Variants in PM20D1 observed in about 807,000 individuals in gnomAD.
PM20D1 encodes the protein N-fatty-acyl-amino acid synthase/hydrolase PM20D1.
Under a neutral mutation model 53.8 loss-of-function variants are expected in PM20D1, and 53 were observed. The observed-to-expected ratio is 0.98, with a 90% CI of 0.79 to 1.24. The LOEUF (loss-of-function observed/expected upper bound fraction) is 1.24, where lower values mean the gene tolerates loss of function less well. PM20D1 is among the 50% of genes most tolerant of loss of function. The pLI is 0.00. For missense variants in PM20D1, 564 were observed against 616.8 expected, an observed-to-expected ratio of 0.91 and a Z score of 0.91; for synonymous variants, 239 against 241.3, an observed-to-expected ratio of 0.99 and a Z score of 0.09.
chr1:205,834,543 C>CA (rs1483869814), intron 10 of PM20D1, among the ~76,000 whole-genome samples: 1 of 152,178 alleles, frequency 6.6e-6, no homozygotes, highest in Non-Finnish European at 1.5e-5. Context: ...TTAGAAACCA[C>CA]CATTTGAATC....
chr1:205,833,792 G>A (rs1212434444), intron 10 of PM20D1, among the ~76,000 whole-genome samples: 2 of 152,054 alleles, frequency 1.3e-5, no homozygotes, highest in African/African-American at 4.8e-5. Flanking sequence ...GCTCTAGAAA[G>A]GGGGGGTTGT....
chr1:205,849,444 GCTGTGGGGCC>G, intron 1 of PM20D1, among the ~76,000 whole-genome samples: 1 of 152,076 alleles, frequency 6.6e-6, no homozygotes, highest in East Asian at 1.9e-4. Flanking sequence ...CCCACTCTTT[GCTGTGGGGCC>G]CTGGGGAAGA....
chr1:205,845,950 G>C (rs1342346121), intron 2 of PM20D1, among the ~76,000 whole-genome samples: 1 of 152,070 alleles, frequency 6.6e-6, no homozygotes, highest in Non-Finnish European at 1.5e-5. Context: ...AGGTGTGGTG[G>C]CTCATGCCTG....
chr1:205,843,897 T>C, intron 5 of PM20D1, 111 bp from the exon 6 acceptor site: 1 of 1,501,090 alleles, frequency 6.7e-7, no homozygotes. Context: ...GGTAGCTTCA[T>C]GCTGCTTTAA....
intron 1 of PM20D1, among the ~76,000 whole-genome samples, chr1:205,849,134 A>G (rs2102533483): frequency 6.6e-6 from 1 of 152,334 alleles, no homozygotes; most frequent in African/African-American, 2.4e-5. Context: ...ATGTTTATGC[A>G]GGCAGTCTCT....
In PM20D1 at chr1:205,844,465, G is replaced by A. The variant is rs1356008994; in HGVS notation, c.577-248C>T. Among the ~76,000 whole-genome samples the A allele has an allele frequency of 2.6e-5, 4 of 152,104 alleles. No individual in the cohort carries two copies. The East Asian group carries it at 5.8e-4, about 22-fold the overall frequency. On this transcript the variant is annotated intron_variant, in intron 4 of 12. Transcript: ENST00000367136. ...CAAAAGAGTGAAGTGACTTGCCCAG[G>A]GTCTAAGTAAGTAGCATCATTGGAA...
At chr1:205,841,687 C>T (rs1350951481) in intron 9 of PM20D1, 124 bp downstream of exon 9, 11 of 993,632 alleles carry the variant, frequency 1.1e-5, no homozygotes, top group East Asian at 1.1e-4. Flanking sequence ...TATGTCTTTG[C>T]GTGGCTAGGC....
intron 5 of PM20D1, 68 bp downstream of exon 5, chr1:205,844,019 C>T: frequency 1.9e-6 from 3 of 1,546,856 alleles, no homozygotes; most frequent in Non-Finnish European, 1.7e-6. Context: ...CTCACAGATA[C>T]CAGGCTGGGG....
chr1:205,842,838 A>G (rs1164857816), intron 6 of PM20D1, 87 bp from the exon 7 acceptor site: 11 of 1,207,314 alleles, frequency 9.1e-6, no homozygotes, highest in Non-Finnish European at 1.3e-5. Context: ...GATAGGAGGA[A>G]GTTTCAACGC....
intron 5 of PM20D1, 124 bp downstream of exon 5, chr1:205,843,963 G>A (rs1405499800): frequency 1.0e-5 from 15 of 1,476,624 alleles, no homozygotes; most frequent in Admixed American, 8.7e-5. Context: ...TTAAAGATTG[G>A]GGCGATTAAT....
intron 4 of PM20D1, 97 bp downstream of exon 4, chr1:205,844,714 A>G: frequency 9.3e-7 from 1 of 1,078,556 alleles, no homozygotes; most frequent in Admixed American, 2.1e-5. Context: ...CGTATCATGG[A>G]GACCTTGCTG....
intron 11 of PM20D1, among the ~76,000 whole-genome samples, chr1:205,831,668 AT>A (rs1326400878): frequency 6.7e-6 from 1 of 149,168 alleles, no homozygotes; most frequent in Non-Finnish European, 1.5e-5. Context: ...GGTTCAAGCG[AT>A]TCTCCTGCCT....
Position 205,833,480 on chromosome 1 carries a change from A to C in PM20D1, c.1117-714T>G, listed in dbSNP as rs562451067. Among the ~76,000 whole-genome samples the C allele has an allele frequency of 3.3e-5, 5 of 152,376 alleles. No individual in the cohort carries two copies. The East Asian group carries it at 9.6e-4, about 29-fold the overall frequency. On this transcript the variant is annotated intron_variant, in intron 10 of 12. Transcript: ENST00000367136. Reference sequence around the variant, plus strand: ...GTAACCAGCTGCACTGGAGCCAGGAAGATGAGCTCAACACAGACAAAAAGT... The same window carrying C: ...GTAACCAGCTGCACTGGAGCCAGGACGATGAGCTCAACACAGACAAAAAGT...
intron 10 of PM20D1, among the ~76,000 whole-genome samples, chr1:205,836,419 C>T (rs1656688365): frequency 6.6e-6 from 1 of 152,292 alleles, no homozygotes; most frequent in African/African-American, 2.4e-5. Flanking sequence ...GCAGAAAGCT[C>T]GTCACTGCAT....
rs1461420017 is a variant in PM20D1, at chr1:205,828,106, T to C, written c.*514A>G. ...GTTTGGGTAAGTCCAGGTCCAGAAGTAGAATAAATTGAAGAGTAAGGGGAG... is the reference window on the plus strand; with the variant it reads ...GTTTGGGTAAGTCCAGGTCCAGAAGCAGAATAAATTGAAGAGTAAGGGGAG... On this transcript the variant is annotated 3_prime_UTR_variant, in exon 13 of 13. Transcript: ENST00000367136. 6.5e-6 allele frequency: 1 copy of C among 153,306 alleles called. No individual in the cohort carries two copies. The highest frequency in any genetic ancestry group is 1.4e-5 in the Non-Finnish European group (1 of 69,080). 9.5% of individuals were successfully genotyped at this position (153,306 alleles called of 1,614,324 possible).
chr1:205,845,067 C>G (rs1656917646), intron 3 of PM20D1, among the ~76,000 whole-genome samples, 170 bp from the exon 4 acceptor site: 2 of 152,106 alleles, frequency 1.3e-5, no homozygotes, highest in Non-Finnish European at 2.9e-5. Context: ...TGCGGAGAAA[C>G]AGAACGTTTA....
chr1:205,847,010 T>TC (rs1657005144), intron 2 of PM20D1, among the ~76,000 whole-genome samples: 1 of 124,252 alleles, frequency 8.0e-6, no homozygotes, highest in Non-Finnish European at 1.6e-5. Flanking sequence ...TCCTTTCTTT[T>TC]TTTTTTTTTT....
intron 11 of PM20D1, 72 bp from the exon 12 acceptor site, chr1:205,830,451 C>A: frequency 9.0e-7 from 1 of 1,110,986 alleles, no homozygotes; most frequent in East Asian, 2.4e-5. Context: ...TGGGGTGTGG[C>A]CTGGCTGGAA....
In PM20D1 at chr1:205,845,272, C is replaced by A. The variant is rs1656923518; in HGVS notation, c.489+53G>T. 4.1e-5 allele frequency: 63 copies of A among 1,554,186 alleles called. No homozygotes were observed. In the South Asian group the frequency reaches 6.5e-4, roughly 16 times the overall value. Reference sequence around the variant, plus strand: ...CCTCCCAGGGTCAGCCAAGCACCCCCATCCTGATTGATCTTTAGGGCCCCA... The same window carrying A: ...CCTCCCAGGGTCAGCCAAGCACCCCAATCCTGATTGATCTTTAGGGCCCCA... On this transcript the variant is annotated intron_variant, in intron 3 of 12. Transcript: ENST00000367136.
Sources: gnomAD v4.1 joint callset for allele counts (sites outside exome capture counted in the v4.1 genomes callset) on GRCh38, gnomAD v4.1.1 for gene constraint, MANE v1.5 for transcripts, NCBI Gene and HGNC (gene_info 2026-07-23, HGNC 2026-07-21) for gene names.